The following MSN variants were observed in gnomAD, a reference collection of about 807,000 sequenced individuals.
The protein encoded by MSN is epididymis luminal protein 70.
A neutral mutation model predicts 48.0 loss-of-function variants in MSN; 2 were observed. The ratio of observed to expected loss-of-function variants is 0.04; its 90% confidence interval spans 0.02 to 0.13. The LOEUF (loss-of-function observed/expected upper bound fraction) is 0.13. MSN is among the 10% of genes least tolerant of loss of function. The pLI, the probability that MSN is intolerant of heterozygous loss-of-function variation, is 1.00. For synonymous variants in MSN, 146 were observed against 166.9 expected (o/e 0.87, Z 0.97); for missense variants, 267 against 470.1 (o/e 0.57, Z 3.99).
chrX:65,687,342 T>C (rs1487070058), intron 1 of MSN, among the ~76,000 whole-genome samples: 1 of 111,116 alleles, frequency 9.0e-6, no homozygotes, highest in Non-Finnish European at 1.9e-5. Context: ...AGCGAGACTC[T>C]CTCAAAAAAC....
At chrX:65,600,261 G>C (rs965831189) in intron 1 of MSN, among the ~76,000 whole-genome samples, 4 of 111,156 alleles carry the variant, frequency 3.6e-5, no homozygotes, top group Non-Finnish European at 7.5e-5. Context: ...TGCTCTGAGA[G>C]TTTGTGTGTC....
chrX:65,626,045 C>T (rs1298120039), intron 1 of MSN, among the ~76,000 whole-genome samples: 1 of 106,376 alleles, frequency 9.4e-6, no homozygotes, highest in Non-Finnish European at 1.9e-5. Flanking sequence ...AGCTCTGCCT[C>T]CCGGGTTCAC....
At chrX:65,620,252 G>A (rs751399711) in intron 1 of MSN, among the ~76,000 whole-genome samples, 103 of 112,555 alleles carry the variant, frequency 9.2e-4, no homozygotes, top group African/African-American at 2.9e-3. Context: ...GGAGCTTCCC[G>A]GCTGCTTTGT....
At chrX:65,599,743 A>C (rs576856657) in intron 1 of MSN, among the ~76,000 whole-genome samples, 2 of 111,896 alleles carry the variant, frequency 1.8e-5, no homozygotes, top group East Asian at 5.6e-4. Flanking sequence ...ATGAATAGGC[A>C]GCTAAGCAAG....
intron 4 of MSN, among the ~76,000 whole-genome samples, chrX:65,730,525 C>T (rs1480510548): frequency 9.1e-6 from 1 of 110,040 alleles, no homozygotes; most frequent in African/African-American, 3.3e-5. Context: ...TGCTTGTACC[C>T]TGGGGACTCT....
chrX:65,716,977 G>C, intron 2 of MSN, 76 bp downstream of exon 2: 1 of 924,285 alleles, frequency 1.1e-6, no homozygotes, highest in Non-Finnish European at 1.6e-6. Flanking sequence ...CATGACTTTT[G>C]CCTCTTGTCA....
At chrX:65,624,852 A>C (rs1375755271) in intron 1 of MSN, 2 of 110,415 alleles carry the variant, frequency 1.8e-5, no homozygotes, top group Non-Finnish European at 3.8e-5. Context: ...GAAAAAGAGA[A>C]AGAAAAAAAG....
At chrX:65,695,239 G>A (rs754389622) in intron 1 of MSN, among the ~76,000 whole-genome samples, 1 of 110,652 alleles carries the variant, frequency 9.0e-6, no homozygotes, top group Non-Finnish European at 1.9e-5. Context: ...GTTGGCTCAC[G>A]CCTGTAATCC....
intron 1 of MSN, among the ~76,000 whole-genome samples, chrX:65,690,547 C>T (rs758485654): frequency 1.8e-5 from 2 of 111,718 alleles, no homozygotes; most frequent in East Asian, 5.7e-4. Flanking sequence ...AAGGATAGAA[C>T]AGGATAGGAG....
intron 1 of MSN, among the ~76,000 whole-genome samples, chrX:65,612,855 T>TTTC (rs2070332398): frequency 9.5e-6 from 1 of 105,122 alleles, no homozygotes; most frequent in African/African-American, 3.6e-5. Context: ...ACCATGGTGT[T>TTTC]TTTTTTTTTT....
intron 8 of MSN, 42 bp from the exon 9 acceptor site, chrX:65,736,753 A>G: frequency 1.7e-6 from 2 of 1,152,503 alleles, no homozygotes; most frequent in Non-Finnish European, 2.3e-6. Flanking sequence ...GCTTTTGTGG[A>G]GCGTTGTTAT....
intron 8 of MSN, 69 bp from the exon 9 acceptor site, chrX:65,736,726 G>A (rs965264018): frequency 1.5e-5 from 17 of 1,114,972 alleles, no homozygotes; most frequent in East Asian, 1.0e-4. Flanking sequence ...GTGAGCCACC[G>A]CGCCTGGCCT....
In MSN at chrX:65,649,099, G is replaced by T. The variant is rs965662910; in HGVS notation, c.-22+60487G>T. On this transcript the variant is annotated intron_variant, in intron 1 of 3. Transcript: ENST00000609672. ...ACTTCTTTTTACTGGGAGGAAAAAT[G>T]GTTGCCGAAAGGCAGAGTGTATTAC... Among the ~76,000 whole-genome samples the T allele has an allele frequency of 2.8e-5, 3 of 108,065 alleles. No homozygotes were observed. The Admixed American group carries it at 3.0e-4, about 11-fold the overall frequency. 93.8% of individuals were successfully genotyped at this position (108,065 alleles called of 115,157 possible). A position where few individuals can be genotyped will look rare whatever the true frequency, so the allele number is the denominator to read the frequency against.
chrX:65,594,776 T>C (rs969606951), intron 1 of MSN, among the ~76,000 whole-genome samples: 1 of 111,420 alleles, frequency 9.0e-6, no homozygotes, highest in African/African-American at 3.3e-5. Flanking sequence ...CTTTGTTGTT[T>C]CCCTTGCATC....
rs1221131873 is a variant in MSN, at chrX:65,739,998, G to T, written c.*105G>T. On this transcript the variant is annotated 3_prime_UTR_variant, in exon 13 of 13. Transcript: ENST00000360270. ...TGTGCTGGAGCCACTAACTAGAGCA[G>T]CCCTGGAGTCATGCCAAGCATTTAA... is the stretch of plus-strand genomic sequence containing the variant. 87 of 887,888 alleles carry T rather than the reference G, an allele frequency of 9.8e-5. 1 individual carries two copies. In the African/African-American group the frequency reaches 1.5e-3, roughly 16 times the overall value. 73.2% of individuals were successfully genotyped at this position (887,888 alleles called of 1,213,427 possible). A position where few individuals can be genotyped will look rare whatever the true frequency, so the allele number is the denominator to read the frequency against.
intron 1 of MSN, among the ~76,000 whole-genome samples, chrX:65,604,031 A>G (rs1314999726): frequency 8.9e-6 from 1 of 112,533 alleles, no homozygotes; most frequent in East Asian, 2.8e-4. Flanking sequence ...GGTGCTTTAC[A>G]TAGATTAATT....
intron 10 of MSN, 33 bp from the exon 11 acceptor site, chrX:65,738,492 C>T: frequency 8.5e-7 from 1 of 1,172,498 alleles, no homozygotes; most frequent in Non-Finnish European, 1.1e-6. Flanking sequence ...GACCAGAAGG[C>T]CCAGCTCTCA....
chrX:65,626,129 T>C (rs919980759), intron 1 of MSN, among the ~76,000 whole-genome samples: 2 of 110,280 alleles, frequency 1.8e-5, no homozygotes, highest in African/African-American at 6.6e-5. Flanking sequence ...TAATTTTTTG[T>C]ATTTTTAGTA....
intron 1 of MSN, among the ~76,000 whole-genome samples, chrX:65,677,316 T>C (rs545193806): frequency 1.5e-4 from 17 of 112,060 alleles, no homozygotes; most frequent in African/African-American, 5.5e-4. Context: ...TTTTCAAGGG[T>C]TTTAAGTGAG....
Sources: gnomAD v4.1 joint callset for allele counts (sites outside exome capture counted in the v4.1 genomes callset) on GRCh38, gnomAD v4.1.1 for gene constraint, MANE v1.5 for transcripts, NCBI Gene and HGNC (gene_info 2026-07-23, HGNC 2026-07-21) for gene names.